Variants in TMEM43 observed in about 807,000 individuals in gnomAD.
TMEM43 encodes the protein transmembrane protein 43, also known as arrhythmogenic right ventricular dysplasia 5.
TMEM43 carries 45 observed loss-of-function variants against 49.6 expected under a neutral mutation model. That is an observed-to-expected ratio of 0.91 (90% confidence interval 0.71 to 1.16). The LOEUF (loss-of-function observed/expected upper bound fraction) is 1.16, where lower values mean the gene tolerates loss of function less well. TMEM43 is among the 50% of genes most tolerant of loss of function. TMEM43 has a pLI of 0.00. For synonymous variants in TMEM43, 199 were observed against 207.8 expected (o/e 0.96, Z 0.36); for missense variants, 532 against 516.6 (o/e 1.03, Z -0.29).
chr3:14,127,817 C>T (rs866277877), intron 1 of TMEM43, among the ~76,000 whole-genome samples: 1 of 152,156 alleles, frequency 6.6e-6, no homozygotes, highest in East Asian at 1.9e-4. Context: ...TACTCAAAGA[C>T]AATCAGAATG....
At chr3:14,136,108 G>C in intron 10 of TMEM43, 200 bp downstream of exon 10, 1 of 678,076 alleles carries the variant, frequency 1.5e-6, no homozygotes, top group Non-Finnish European at 2.7e-6. Flanking sequence ...GGATTTGCAG[G>C]TATTTGTATA....
Position 14,141,980 on chromosome 3 carries a change from C to A in TMEM43, c.*185C>A. 1.6e-6 allele frequency: 1 copy of A among 617,840 alleles called. No individual in the cohort carries two copies. Among genetic ancestry groups the A allele is most frequent in the Non-Finnish European group, 2.8e-6 (1 of 353,552 alleles). The allele number at this position is 617,840 out of a possible 1,614,324, so 38.3% of individuals were successfully genotyped here. ...TTGGTGTTCACCAGCTCATGTCTTCCCCACATCTCTTCTTGCCAGTAAGCA... is the reference window on the plus strand; with the variant it reads ...TTGGTGTTCACCAGCTCATGTCTTCACCACATCTCTTCTTGCCAGTAAGCA... On this transcript the variant is annotated 3_prime_UTR_variant, in exon 12 of 12. Transcript: ENST00000306077.
intron 1 of TMEM43, among the ~76,000 whole-genome samples, chr3:14,128,030 C>T (rs1430388069): frequency 6.6e-6 from 1 of 152,120 alleles, no homozygotes; most frequent in Non-Finnish European, 1.5e-5. Flanking sequence ...CAGTGCTTAC[C>T]ACGCCCTAGG....
intron 7 of TMEM43, 112 bp from the exon 8 acceptor site, chr3:14,134,658 G>A: frequency 7.1e-7 from 1 of 1,410,872 alleles, no homozygotes; most frequent in Non-Finnish European, 1.0e-6. Context: ...GCAGGTGGGA[G>A]TGCCACGTGT....
At chr3:14,131,761 A>T (rs1695100288) in intron 4 of TMEM43, 87 bp downstream of exon 4, 1 of 947,488 alleles carries the variant, frequency 1.1e-6, no homozygotes, top group African/African-American at 1.6e-5. Flanking sequence ...TTTCATTTTG[A>T]TACCTTTGAA....
At position 14,135,191 on chromosome 3, in the gene TMEM43, G is replaced by A; in HGVS notation, c.739G>A (p.Gly247Arg). The A allele has an allele frequency of 6.2e-7, 1 of 1,612,746 alleles. No homozygotes were observed. The highest frequency in any genetic ancestry group is 8.5e-7 in the Non-Finnish European group (1 of 1,180,012). Reference sequence around the variant, plus strand: ...CTTGCGTGTCTCCTTTTCCTATGCTGGACTGAGCGGCGATGACCCTGACCT... The same window carrying A: ...CTTGCGTGTCTCCTTTTCCTATGCTAGACTGAGCGGCGATGACCCTGACCT... ...GDLRVSFSYA[G>R]LSGDDPDLGP... Residue 247 changes from glycine (G) to arginine (R), a missense_variant, in exon 9 of 12, where the codon GGA becomes AGA. Coordinates refer to ENST00000306077, the MANE Select transcript of TMEM43 (RefSeq NM_024334.3).
intron 7 of TMEM43, among the ~76,000 whole-genome samples, chr3:14,134,420 T>C (rs1443149381): frequency 6.6e-6 from 1 of 152,166 alleles, no homozygotes; most frequent in Non-Finnish European, 1.5e-5. Context: ...TGTTGCTGGA[T>C]GGTGCCTGTG....
Position 14,141,742 on chromosome 3 carries a change from C to T in TMEM43, c.1150C>T (p.Leu384Phe), listed in dbSNP as rs193922706. 1.2e-5 allele frequency: 19 copies of T among 1,614,090 alleles called. No individual in the cohort carries two copies. Among genetic ancestry groups the T allele is most frequent in the Non-Finnish European group, 1.6e-5 (19 of 1,180,064 alleles). Residue 384 changes from leucine to phenylalanine, a missense_variant, in exon 12 of 12, where the codon CTT becomes TTT. Physicochemically the swap from Leu to Phe is conservative, Grantham distance 22. Transcript: ENST00000306077. The stretch of plus-strand genomic sequence containing the variant: ...GGCCCTCCTCATTGCCGGCCTGGCC[C>T]TTGTGCCCATCCTTGTTGCTCGGAC... ...LWALLIAGLA[L>F]VPILVARTRV...
At chr3:14,135,543 G>A (rs571850819) in intron 9 of TMEM43, among the ~76,000 whole-genome samples, 4 of 152,282 alleles carry the variant, frequency 2.6e-5, no homozygotes, top group South Asian at 2.1e-4. Context: ...TTGGTCTTGC[G>A]TTCCTGGCCT....
At chr3:14,127,694 G>C (rs1695038013) in intron 1 of TMEM43, among the ~76,000 whole-genome samples, 1 of 152,162 alleles carries the variant, frequency 6.6e-6, no homozygotes, top group Non-Finnish European at 1.5e-5. Context: ...TCATTGTGAT[G>C]GTCACCTGCC....
chr3:14,141,699 CT>C lies in TMEM43; in HGVS notation c.1109del (p.Phe370SerfsTer45). ...TLLTVAAGWL[F>X]YRPLWALLIA... ...TGCTGACCGTGGCGGCTGGCTGGCT[CT>C]TCTACCGACCCCTGTGGGCCCTCCT... On this transcript the variant is annotated frameshift_variant, in exon 12 of 12. Transcript: ENST00000306077. LOFTEE classifies it high-confidence loss of function. 6.2e-7 allele frequency: 1 copy of C among 1,614,182 alleles called. No individual in the cohort carries two copies. Among genetic ancestry groups the C allele is most frequent in the Non-Finnish European group, 8.5e-7 (1 of 1,180,024 alleles).
rs1041753893 is a variant in TMEM43 at position 14,125,068 on chromosome 3, G to C, written c.-126G>C. The C allele has an allele frequency of 1.0e-5, 13 of 1,250,960 alleles. No individual in the cohort carries two copies. The highest frequency in any genetic ancestry group is 3.9e-5 in the Admixed American group (2 of 51,522). 77.5% of individuals were successfully genotyped at this position (1,250,960 alleles called of 1,614,324 possible). A position where few individuals can be genotyped will look rare whatever the true frequency, so the allele number is the denominator to read the frequency against. On this transcript the variant is annotated 5_prime_UTR_variant, in exon 1 of 12. Transcript: ENST00000306077. ...GAGGTAACTGCAGTAAGTCCCGCTT[G>C]GCCCTGGAGTCCACGCGGATTTTCG...
At chr3:14,134,390 T>C (rs1450708292) in intron 7 of TMEM43, among the ~76,000 whole-genome samples, 2 of 152,182 alleles carry the variant, frequency 1.3e-5, no homozygotes, top group African/African-American at 4.8e-5. Context: ...GGGCCTGGCC[T>C]GGCCGCTTTC....
In TMEM43 at chr3:14,141,799, G is replaced by T. The variant is rs1439417387; in HGVS notation, c.*4G>T. 6.2e-7 allele frequency: 1 copy of T among 1,612,114 alleles called. No individual in the cohort carries two copies. Among genetic ancestry groups the T allele is most frequent in the Non-Finnish European group, 8.5e-7 (1 of 1,179,898 alleles). The stretch of plus-strand genomic sequence containing the variant: ...GCCAGCCAAAAAGTTGGAGTGAAAA[G>T]ACCCTGGCACCCGCCCGACACCTGC... On this transcript the variant is annotated 3_prime_UTR_variant, in exon 12 of 12. Transcript: ENST00000306077.
chr3:14,129,846 T>G (rs1441163594), intron 2 of TMEM43, among the ~76,000 whole-genome samples: 2 of 152,080 alleles, frequency 1.3e-5, no homozygotes, highest in Admixed American at 6.5e-5. Context: ...GAATCTCCAT[T>G]TCTTCATCTT....
chr3:14,140,226 G>A (rs1378586710), intron 11 of TMEM43, among the ~76,000 whole-genome samples: 1 of 152,192 alleles, frequency 6.6e-6, no homozygotes, highest in Non-Finnish European at 1.5e-5. Flanking sequence ...CAGTGACGTG[G>A]TGGGCACATT....
At chr3:14,134,610 G>A (rs760482874) in intron 7 of TMEM43, among the ~76,000 whole-genome samples, 160 bp from the exon 8 acceptor site, 1 of 152,206 alleles carries the variant, frequency 6.6e-6, no homozygotes, top group Non-Finnish European at 1.5e-5. Flanking sequence ...TCTAACCCAG[G>A]GGAAGCCGTG....
chr3:14,129,488 G>A lies in TMEM43; in HGVS notation c.89G>A (p.Ser30Asn), dbSNP rs570799464. 296 of 1,614,132 alleles carry A rather than the reference G, an allele frequency of 1.8e-4. 6 individuals carry two copies. The South Asian group carries it at 3.2e-3, about 17-fold the overall frequency. Residue 30 changes from serine (S) to asparagine (N), a missense_variant, in exon 2 of 12, where the codon AGC (serine) becomes AAC (asparagine). Ser to Asn is a conservative substitution (Grantham distance 46). Coordinates refer to ENST00000306077, the MANE Select transcript of TMEM43 (RefSeq NM_024334.3). ...CAGCCAGGCTTCCTGGAACGGCTGAGCGAGACCTCGGGTGGGATGTTTGTG... is the reference window on the plus strand; with the variant it reads ...CAGCCAGGCTTCCTGGAACGGCTGAACGAGACCTCGGGTGGGATGTTTGTG... ...SSQPGFLERL[S>N]ETSGGMFVGL...
rs139672354 is a variant in TMEM43, at chr3:14,127,181, A to G, written c.12+1976A>G. Among the ~76,000 whole-genome samples, 450 of 152,228 alleles carry G rather than the reference A, an allele frequency of 3.0e-3. 3 individuals are homozygous for G. Among genetic ancestry groups the G allele is most frequent in the Non-Finnish European group, 4.8e-3 (325 of 68,024 alleles). On this transcript the variant is annotated intron_variant, in intron 1 of 11. Transcript: ENST00000306077. ...TGTGTATACATGTAATACATACTAT[A>G]TGTATATATAAATATGTGTGGATAT...
Sources: gnomAD v4.1 joint callset for allele counts (sites outside exome capture counted in the v4.1 genomes callset) on GRCh38, gnomAD v4.1.1 for gene constraint, MANE v1.5 for transcripts, NCBI Gene and HGNC (gene_info 2026-07-23, HGNC 2026-07-21) for gene names.